The following RALGAPA1 variants were observed in gnomAD, a reference collection of about 807,000 sequenced individuals.
RALGAPA1 encodes ral GTPase-activating protein subunit alpha-1.
A neutral mutation model predicts 269.6 loss-of-function variants in RALGAPA1; 52 were observed. The ratio of observed to expected loss-of-function variants is 0.19; its 90% CI spans 0.15 to 0.24. The LOEUF is 0.24. RALGAPA1 is among the 10% of genes least tolerant of loss of function. The probability of loss-of-function intolerance (pLI) is 1.00; values close to 1 mark genes in which losing one functional copy is unlikely to be tolerated. For synonymous variants in RALGAPA1, 817 were observed against 1,008.3 expected (o/e 0.81, Z 3.60); for missense variants, 1,917 against 3,013.9 (o/e 0.64, Z 8.52).
At chr14:35,678,246 A>G (rs2065127358) in intron 21 of RALGAPA1, 144 bp from the exon 22 acceptor site, 2 of 661,764 alleles carry the variant, frequency 3.0e-6, no homozygotes, top group East Asian at 3.1e-5. Context: ...CAAGAAAATC[A>G]TAATATTATA....
At chr14:35,605,907 C>T (rs1287772995) in intron 35 of RALGAPA1, among the ~76,000 whole-genome samples, 198 bp from the exon 36 acceptor site, 2 of 152,040 alleles carry the variant, frequency 1.3e-5, no homozygotes, top group African/African-American at 2.4e-5. Flanking sequence ...AAGACAGGCA[C>T]GATCACTTTT....
intron 4 of RALGAPA1, 38 bp from the exon 5 acceptor site, chr14:35,762,791 T>A: frequency 8.1e-7 from 1 of 1,228,106 alleles, no homozygotes; most frequent in Non-Finnish European, 1.2e-6. Context: ...TCACATCTTA[T>A]CTATTTGTAA....
At chr14:35,733,629 C>G (rs1228894219) in intron 12 of RALGAPA1, among the ~76,000 whole-genome samples, 1 of 151,974 alleles carries the variant, frequency 6.6e-6, no homozygotes, top group Admixed American at 6.6e-5. Flanking sequence ...ACTGAAACAG[C>G]ACAAACTGAC....
At chr14:35,782,370 T>C (rs1215695386) in intron 1 of RALGAPA1, among the ~76,000 whole-genome samples, 2 of 152,228 alleles carry the variant, frequency 1.3e-5, no homozygotes. Flanking sequence ...CTGAATGCTG[T>C]TAAGATAGCA....
intron 16 of RALGAPA1, among the ~76,000 whole-genome samples, chr14:35,702,111 T>TC (rs1190624160): frequency 6.6e-6 from 1 of 152,208 alleles, no homozygotes; most frequent in African/African-American, 2.4e-5. Context: ...AAGAACCATA[T>TC]CCCCTGATCT....
chr14:35,783,355 T>C (rs1188386254), intron 1 of RALGAPA1, among the ~76,000 whole-genome samples: 1 of 152,170 alleles, frequency 6.6e-6, no homozygotes, highest in Non-Finnish European at 1.5e-5. Flanking sequence ...TTTTTCCTCA[T>C]TGAGTTGTTT....
In RALGAPA1 at chr14:35,688,569, G is replaced by C; in HGVS notation, c.3842C>G (p.Ser1281Trp). The C allele has an allele frequency of 1.3e-6, 2 of 1,536,088 alleles. No homozygotes were observed. Among genetic ancestry groups the C allele is most frequent in the Non-Finnish European group, 1.7e-6 (2 of 1,146,878 alleles). ...TGGGGAAACATTTGCCTTCGGCTTC[G>C]AAAGAGCATGTACAACAGTTTTATA... ...GVYKTVVHAL[S>W]KPKANVSPQR... The change falls in exon 18 of 42, where the codon TCG (serine) becomes TGG (tryptophan). Residue 1281 changes from serine (S) to tryptophan (W), a missense_variant. Coordinates refer to ENST00000680220, the MANE Select transcript of RALGAPA1 (RefSeq NM_001346249.2).
In RALGAPA1 at chr14:35,808,995, G is replaced by A; in HGVS notation, c.-160C>T. On this transcript the variant is annotated 5_prime_UTR_variant, in exon 1 of 42. Transcript: ENST00000680220. ...CAGAGCCGACTCCTTCCCGATCCAG[G>A]CCAGGGCCGCCACCTCCACCCGCCT... 7.3e-7 allele frequency: 1 copy of A among 1,376,532 alleles called. No homozygotes were observed. Among genetic ancestry groups the A allele is most frequent in the Non-Finnish European group, 9.5e-7 (1 of 1,048,428 alleles). The allele number at this position is 1,376,532 out of a possible 1,614,324, so 85.3% of individuals were successfully genotyped here.
Position 35,688,987 on chromosome 14 carries a change from T to C in RALGAPA1, c.3424A>G (p.Ile1142Val). Residue 1142 changes from isoleucine (I) to valine (V), a missense_variant, in exon 18 of 42, where the codon ATT (isoleucine) becomes GTT (valine). Ile to Val is a conservative substitution (Grantham distance 29). Coordinates refer to ENST00000680220, the MANE Select transcript of RALGAPA1 (RefSeq NM_001346249.2). The stretch of plus-strand genomic sequence containing the variant: ...ACACTATTTCGTTTTTTAGTAGCAA[T>C]TTTCATGATTTTGGCTCTATGAGTT... ...TVTHRAKIMK[I>V]ATKKRNSVHV... The C allele has an allele frequency of 8.1e-7, 1 of 1,237,394 alleles. No individual in the cohort carries two copies. The allele number at this position is 1,237,394 out of a possible 1,614,324, so 76.7% of individuals were successfully genotyped here.
At chr14:35,766,085 A>G (rs1486827525) in intron 4 of RALGAPA1, 4 of 1,161,488 alleles carry the variant, frequency 3.4e-6, no homozygotes, top group Non-Finnish European at 5.2e-6. Flanking sequence ...CGGCATTCAC[A>G]TGCTATGCGG....
chr14:35,554,593 G>A (rs1232054200), intron 39 of RALGAPA1, among the ~76,000 whole-genome samples: 4 of 151,646 alleles, frequency 2.6e-5, no homozygotes, highest in South Asian at 2.1e-4. Flanking sequence ...TGATCCGCCC[G>A]CCTCGGCCTC....
At chr14:35,704,462 CCTTT>C (rs544013283) in intron 16 of RALGAPA1, among the ~76,000 whole-genome samples, 5 of 152,122 alleles carry the variant, frequency 3.3e-5, no homozygotes, top group Admixed American at 3.3e-4. Flanking sequence ...AGGTAAGTTC[CCTTT>C]CTGTTTATTA....
At chr14:35,659,520 C>CA (rs2063405185) in intron 27 of RALGAPA1, among the ~76,000 whole-genome samples, 1 of 151,920 alleles carries the variant, frequency 6.6e-6, no homozygotes, top group African/African-American at 2.4e-5. Flanking sequence ...ATGGCTTCAC[C>CA]AGTGAATTCT....
chr14:35,790,246 C>T (rs1245080221), intron 1 of RALGAPA1, among the ~76,000 whole-genome samples: 3 of 148,862 alleles, frequency 2.0e-5, no homozygotes, highest in Non-Finnish European at 3.0e-5. Flanking sequence ...GAGTGAGACT[C>T]GTCTCAAAAA....
chr14:35,777,752 G>A (rs962645627), intron 1 of RALGAPA1, among the ~76,000 whole-genome samples: 3 of 151,950 alleles, frequency 2.0e-5, no homozygotes, highest in Non-Finnish European at 2.9e-5. Flanking sequence ...CAGTAGAGAT[G>A]GGGTCTCACT....
chr14:35,773,064 G>C (rs1264507801), intron 3 of RALGAPA1, among the ~76,000 whole-genome samples: 1 of 152,106 alleles, frequency 6.6e-6, no homozygotes, highest in Non-Finnish European at 1.5e-5. Flanking sequence ...TATAGAAAGA[G>C]ATAAACTTAT....
chr14:35,650,858 C>T (rs1056364069), intron 31 of RALGAPA1, among the ~76,000 whole-genome samples: 2 of 152,044 alleles, frequency 1.3e-5, no homozygotes, highest in African/African-American at 2.4e-5. Context: ...GAACTTTGTG[C>T]CTTGTCTAAC....
chr14:35,805,828 G>A (rs943213322), intron 1 of RALGAPA1, among the ~76,000 whole-genome samples: 1 of 151,868 alleles, frequency 6.6e-6, no homozygotes, highest in Non-Finnish European at 1.5e-5. Flanking sequence ...GGGACTACAG[G>A]TGCACGCCAC....
At chr14:35,695,033 T>C (rs2066790379) in intron 17 of RALGAPA1, among the ~76,000 whole-genome samples, 1 of 152,146 alleles carries the variant, frequency 6.6e-6, no homozygotes, top group African/African-American at 2.4e-5. Context: ...TGAGCCAAGA[T>C]TGCACCGCTG....
Sources: gnomAD v4.1 joint callset for allele counts (sites outside exome capture counted in the v4.1 genomes callset) on GRCh38, gnomAD v4.1.1 for gene constraint, MANE v1.5 for transcripts, NCBI Gene and HGNC (gene_info 2026-07-23, HGNC 2026-07-21) for gene names.